ANKH: variants seen among roughly 807,000 people sequenced by gnomAD.
ANKH encodes the protein mineralization regulator ANKH.
In ANKH, 15 loss-of-function variants were observed where a neutral mutation model predicts 49.0. The observed-to-expected ratio is 0.31, with a 90% confidence interval of 0.20 to 0.47. ANKH has a LOEUF of 0.47. Ranked by LOEUF, ANKH falls within the 20% of genes least tolerant of loss-of-function variation. The pLI is 1.00. For missense variants in ANKH, 429 were observed against 652.0 expected (o/e 0.66, Z 3.72); for synonymous variants, 273 against 260.0 (o/e 1.05, Z -0.48).
At chr5:14,721,929 C>CAA (rs35821509) in intron 8 of ANKH, among the ~76,000 whole-genome samples, 4,063 of 58,346 alleles carry the variant, frequency 0.07, 548 homozygotes, top group African/African-American at 0.082. Flanking sequence ...GACTCCGTCT[C>CAA]AAAAAAAAAA....
chr5:14,793,550 C>T (rs1047389864), intron 1 of ANKH, among the ~76,000 whole-genome samples: 16 of 152,034 alleles, frequency 1.1e-4, no homozygotes, highest in African/African-American at 3.9e-4. Flanking sequence ...GGCTGAGTAA[C>T]GGGAGATGAA....
At chr5:14,812,597 C>T (rs563415890) in intron 1 of ANKH, among the ~76,000 whole-genome samples, 1 of 152,278 alleles carries the variant, frequency 6.6e-6, no homozygotes, top group African/African-American at 2.4e-5. Context: ...CTGTCTTCAG[C>T]CTGTTTATTT....
intron 1 of ANKH, among the ~76,000 whole-genome samples, chr5:14,773,738 G>A (rs949761226): frequency 2.6e-5 from 4 of 152,162 alleles, no homozygotes; most frequent in African/African-American, 9.7e-5. Context: ...GCTGACAGGC[G>A]CTTGAAAGCA....
In ANKH at chr5:14,762,044, C is replaced by T. The variant is rs190119096; in HGVS notation, c.314-3446G>A. ...CCTCCCAAAGTGCTGGGATTATAGG[C>T]GTTAGTCACCGCACCCAGCCCCTTT... On this transcript the variant is annotated intron_variant, in intron 2 of 11. Transcript: ENST00000284268. Among the ~76,000 whole-genome samples the T allele has an allele frequency of 2.0e-4, 30 of 152,218 alleles. 1 individual carries two copies. In the East Asian group the frequency reaches 3.9e-3, roughly 20 times the overall value.
intron 1 of ANKH, among the ~76,000 whole-genome samples, chr5:14,810,048 C>G (rs770433827): frequency 6.6e-6 from 1 of 152,022 alleles, no homozygotes; most frequent in African/African-American, 2.4e-5. Context: ...CTTCCTGGGT[C>G]TCGGCACCAC....
chr5:14,707,571 G>C lies in ANKH; in HGVS notation c.*3626C>G, dbSNP rs1459193932. 1.3e-5 allele frequency: 2 copies of C among 152,198 alleles called. No individual in the cohort carries two copies. Among genetic ancestry groups the C allele is most frequent in the Non-Finnish European group, 2.9e-5 (2 of 68,046 alleles). 9.4% of individuals were successfully genotyped at this position (152,198 alleles called of 1,614,324 possible). ...ACTCCTGAGCTGGCCCCGCTGCGAC[G>C]CATCCTGGCGTCTGGAGAACTCAGC... On this transcript the variant is annotated 3_prime_UTR_variant, in exon 12 of 12. Transcript: ENST00000284268.
In ANKH at chr5:14,708,373, G is replaced by A. The variant is rs191064638; in HGVS notation, c.*2824C>T. On this transcript the variant is annotated 3_prime_UTR_variant, in exon 12 of 12. Coordinates refer to ENST00000284268, the MANE Select transcript of ANKH (RefSeq NM_054027.6). ...GAAAGTCACACCTGGTCTTTCCCTGGTCTTTGACATGAGAATCTCACAGGC... is the reference window on the plus strand; with the variant it reads ...GAAAGTCACACCTGGTCTTTCCCTGATCTTTGACATGAGAATCTCACAGGC... The A allele has an allele frequency of 1.3e-5, 2 of 152,318 alleles. No homozygotes were observed. Among genetic ancestry groups the A allele is most frequent in the Admixed American group, 1.3e-4 (2 of 15,306 alleles). The allele number at this position is 152,318 out of a possible 1,614,324, so 9.4% of individuals were successfully genotyped here. A position where few individuals can be genotyped will look rare whatever the true frequency, so the allele number is the denominator to read the frequency against.
intron 1 of ANKH, among the ~76,000 whole-genome samples, chr5:14,788,471 A>G (rs756999530): frequency 3.9e-5 from 6 of 152,222 alleles, no homozygotes; most frequent in Middle Eastern, 3.2e-3. Context: ...TGGCCATCAC[A>G]TCGTGTACAT....
chr5:14,858,722 TA>T (rs1298701107), intron 1 of ANKH, among the ~76,000 whole-genome samples: 165 of 88,172 alleles, frequency 1.9e-3, no homozygotes, highest in African/African-American at 7.0e-3. Flanking sequence ...TCTCAATAAA[TA>T]AATAAATAAA....
chr5:14,761,150 A>C (rs569351518), intron 2 of ANKH, among the ~76,000 whole-genome samples: 3 of 152,286 alleles, frequency 2.0e-5, no homozygotes, highest in African/African-American at 7.2e-5. Context: ...AACACCCAGA[A>C]GCTAGGGGAG....
intron 8 of ANKH, among the ~76,000 whole-genome samples, chr5:14,726,518 G>C (rs1580009325): frequency 6.6e-6 from 1 of 152,122 alleles, no homozygotes; most frequent in Non-Finnish European, 1.5e-5. Flanking sequence ...GAAGGGAGAA[G>C]AACCAATGTA....
chr5:14,793,058 A>AAATATATAT (rs1561057958), intron 1 of ANKH, among the ~76,000 whole-genome samples: 1 of 85,418 alleles, frequency 1.2e-5, no homozygotes, highest in East Asian at 2.8e-4. Context: ...AAATATATAT[A>AAATATATAT]AAATATATAT....
At chr5:14,729,786 G>A (rs1416434106) in intron 8 of ANKH, among the ~76,000 whole-genome samples, 3 of 152,176 alleles carry the variant, frequency 2.0e-5, no homozygotes, top group Non-Finnish European at 4.4e-5. Context: ...GCACTTCCCA[G>A]CAAGTGCACA....
chr5:14,732,426 C>A (rs1278496430), intron 8 of ANKH, among the ~76,000 whole-genome samples: 4 of 151,948 alleles, frequency 2.6e-5, no homozygotes, highest in Non-Finnish European at 4.4e-5. Flanking sequence ...AAAAACAACA[C>A]CCCCCACCAC....
chr5:14,737,112 A>C lies in ANKH; in HGVS notation c.1011+4715T>G, dbSNP rs1276622059. ...ATGGACTTCAGAAACAGTTTTAAAA[A>C]GTCATGTTTTGGGTAAATTGGCAAA... On this transcript the variant is annotated intron_variant, in intron 8 of 11. Transcript: ENST00000284268. This position sits in a 1 kb window ranked among gnomAD's most constrained non-coding sequence, Gnocchi z 5.0. 1.3e-5 allele frequency among the ~76,000 whole-genome samples: 2 copies of C among 152,258 alleles called. No homozygotes were observed. Among genetic ancestry groups the C allele is most frequent in the African/African-American group, 4.8e-5 (2 of 41,474 alleles).
At chr5:14,813,108 G>A (rs562353517) in intron 1 of ANKH, among the ~76,000 whole-genome samples, 49 of 152,172 alleles carry the variant, frequency 3.2e-4, no homozygotes, top group Middle Eastern at 6.8e-3. Flanking sequence ...GGGCATGGTG[G>A]CACATACCTG....
chr5:14,745,444 T>C lies in ANKH; in HGVS notation c.915+426A>G, dbSNP rs696035. Among the ~76,000 whole-genome samples, 48,024 of 151,592 alleles carry C rather than the reference T, an allele frequency of 0.32. 8,634 individuals are homozygous for C. The highest frequency in any genetic ancestry group is 0.5 in the African/African-American group (20,810 of 41,220). Reference sequence around the variant, plus strand: ...CTTGCCTGTGGCCAACCTGAGCATGTAGGTAGGCCAGCCCACAGAAAGACA... The same window carrying C: ...CTTGCCTGTGGCCAACCTGAGCATGCAGGTAGGCCAGCCCACAGAAAGACA... On this transcript the variant is annotated intron_variant, in intron 7 of 11. Transcript: ENST00000284268. This position sits in a 1 kb window ranked among gnomAD's most constrained non-coding sequence, Gnocchi z 4.7.
At chr5:14,791,277 A>AATTC (rs1740157537) in intron 1 of ANKH, among the ~76,000 whole-genome samples, 1 of 152,130 alleles carries the variant, frequency 6.6e-6, no homozygotes, top group African/African-American at 2.4e-5. Flanking sequence ...CTCAGTCTGA[A>AATTC]AGAGGTGGCC....
chr5:14,868,500 T>A (rs894851789), intron 1 of ANKH: 2 of 151,240 alleles, frequency 1.3e-5, no homozygotes, highest in African/African-American at 4.9e-5. Context: ...TGGGGTTCAA[T>A]GCAATTCTCC....
Sources: gnomAD v4.1 joint callset for allele counts (sites outside exome capture counted in the v4.1 genomes callset) on GRCh38, gnomAD v4.1.1 for gene constraint, Gnocchi (gnomAD v3.1) non-coding constraint, MANE v1.5 for transcripts, NCBI Gene and HGNC (gene_info 2026-07-23, HGNC 2026-07-21) for gene names.